The following NHSL1 variants were observed in gnomAD, a reference collection of about 807,000 sequenced individuals.
NHSL1 encodes NHS like 1.
Under a neutral mutation model 95.0 loss-of-function variants are expected in NHSL1, and 48 were observed. The ratio of observed to expected loss-of-function variants is 0.51; its 90% confidence interval spans 0.40 to 0.64. NHSL1 has a LOEUF of 0.64. NHSL1 is among the 30% of genes least tolerant of loss of function. The probability of loss-of-function intolerance (pLI) is 0.00; values close to 1 mark genes in which losing one functional copy is unlikely to be tolerated. For synonymous variants in NHSL1, 783 were observed against 833.9 expected (o/e 0.94, Z 1.05); for missense variants, 1,971 against 2,077.7 (o/e 0.95, Z 1.00).
chr6:138,629,874 G>C (rs1281702755), intron 1 of NHSL1, among the ~76,000 whole-genome samples: 1 of 152,178 alleles, frequency 6.6e-6, no homozygotes, highest in Non-Finnish European at 1.5e-5. Flanking sequence ...TCATAAAGTT[G>C]TATAGTCTAC....
At chr6:138,586,977 G>GT (rs1045665588) in intron 1 of NHSL1, among the ~76,000 whole-genome samples, 5 of 151,508 alleles carry the variant, frequency 3.3e-5, no homozygotes, top group African/African-American at 7.3e-5. Flanking sequence ...GGGCGCGTGT[G>GT]TTTTTTTTGG....
chr6:138,474,312 C>G (rs535272256), intron 2 of NHSL1, among the ~76,000 whole-genome samples: 1 of 152,174 alleles, frequency 6.6e-6, no homozygotes, highest in Non-Finnish European at 1.5e-5. Context: ...AAAGTTTTCT[C>G]TTTGCATAGC....
chr6:138,664,033 C>A (rs1024317051), intron 1 of NHSL1, among the ~76,000 whole-genome samples: 2 of 152,184 alleles, frequency 1.3e-5, no homozygotes, highest in South Asian at 4.1e-4. Context: ...CATCACTGGG[C>A]AAAGTCAAGT....
At chr6:138,538,421 T>C (rs1319996128) in intron 1 of NHSL1, among the ~76,000 whole-genome samples, 2 of 152,172 alleles carry the variant, frequency 1.3e-5, no homozygotes, top group Non-Finnish European at 2.9e-5. Flanking sequence ...CAGTGTCTGG[T>C]ATAACCCAGT....
chr6:138,501,440 A>C (rs921133608), upstream of NHSL1, among the ~76,000 whole-genome samples: 1 of 152,172 alleles, frequency 6.6e-6, no homozygotes, highest in Non-Finnish European at 1.5e-5. Context: ...AGGGGGTTTG[A>C]GGGTGGCCAG....
intron 1 of NHSL1, among the ~76,000 whole-genome samples, chr6:138,612,964 T>G (rs904480615): frequency 6.6e-6 from 1 of 152,214 alleles, no homozygotes; most frequent in Non-Finnish European, 1.5e-5. Context: ...GCCTTCATCA[T>G]GAGCCATCGT....
rs182768220 is a variant in NHSL1 at position 138,527,159 on chromosome 6, T to C, written c.16+18464A>G. On this transcript the variant is annotated intron_variant, in intron 1 of 4. Transcript: ENST00000342260. ...TCTCCTCCTCTTTATCCTATTGACA[T>C]ATGAGGTCAAGACCAGCGCTGGGAG... Among the ~76,000 whole-genome samples the C allele has an allele frequency of 2.1e-4, 32 of 152,104 alleles. 1 individual carries two copies. The East Asian group carries it at 5.2e-3, about 25-fold the overall frequency.
Position 138,455,521 on chromosome 6 carries a change from AG to A in NHSL1, c.340-8329del, listed in dbSNP as rs756994771. On this transcript the variant is annotated intron_variant, in intron 3 of 7. Transcript: ENST00000343505. ...GCCCCGCCTTCACATGCTCCCTGCA[AG>A]GAGCCCCGCCTTCACATGCTCCCTG... Among the ~76,000 whole-genome samples, 790 of 79,744 alleles carry A rather than the reference AG, an allele frequency of 9.9e-3. 9 individuals carry two copies. Among genetic ancestry groups the A allele is most frequent in the Non-Finnish European group, 0.012 (483 of 39,076 alleles). 52.3% of individuals were successfully genotyped at this position (79,744 alleles called of 152,430 possible).
At position 138,422,188 on chromosome 6, in the gene NHSL1, G is replaced by A. The variant is rs778314701; in HGVS notation, c.*1893C>T. ...AAATTATGTATTATTAAAGGTTTCT[G>A]ATATCCATATACATTCTAGTCTTTT... On this transcript the variant is annotated 3_prime_UTR_variant, in exon 8 of 8. Transcript: ENST00000343505. The A allele has an allele frequency of 4.6e-5, 7 of 152,126 alleles. No homozygotes were observed. Among genetic ancestry groups the A allele is most frequent in the Non-Finnish European group, 1.0e-4 (7 of 68,006 alleles). 9.4% of individuals were successfully genotyped at this position (152,126 alleles called of 1,614,324 possible). A position where few individuals can be genotyped will look rare whatever the true frequency, so the allele number is the denominator to read the frequency against.
At chr6:138,550,704 A>G (rs994384000), upstream of NHSL1, among the ~76,000 whole-genome samples, 6 of 152,234 alleles carry the variant, frequency 3.9e-5, no homozygotes, top group Admixed American at 2.0e-4. Context: ...TGATTTCCAT[A>G]AAATAGTGGG....
intron 1 of NHSL1, among the ~76,000 whole-genome samples, chr6:138,518,115 C>T (rs1459810945): frequency 6.6e-6 from 1 of 152,170 alleles, no homozygotes; most frequent in African/African-American, 2.4e-5. Flanking sequence ...AGAACAATTA[C>T]TAATATAGGT....
At chr6:138,593,060 T>A (rs1383927068) in intron 1 of NHSL1, among the ~76,000 whole-genome samples, 1 of 152,194 alleles carries the variant, frequency 6.6e-6, no homozygotes, top group Non-Finnish European at 1.5e-5. Context: ...ATGAATCCCA[T>A]CTGAAAGCCA....
rs371545501 is a variant in NHSL1, at chr6:138,651,083, T to C, written c.96+41393A>G. The stretch of plus-strand genomic sequence containing the variant: ...GATAACATGCCATAAAACTCATCTG[T>C]TAAGCTTTAATAGCTACACATGCCA... On this transcript the variant is annotated intron_variant, in intron 1 of 3. Coordinates refer to the NHSL1 transcript ENST00000491526. The C allele has an allele frequency of 1.6e-3, 584 of 370,124 alleles. 5 individuals are homozygous for C. Among genetic ancestry groups the C allele is most frequent in the East Asian group, 0.012 (166 of 13,666 alleles). 22.9% of individuals were successfully genotyped at this position (370,124 alleles called of 1,614,324 possible). A position where few individuals can be genotyped will look rare whatever the true frequency, so the allele number is the denominator to read the frequency against.
chr6:138,468,363 G>A (rs565210391), intron 3 of NHSL1, among the ~76,000 whole-genome samples: 3 of 152,132 alleles, frequency 2.0e-5, no homozygotes, highest in Non-Finnish European at 2.9e-5. Flanking sequence ...GCTATATACC[G>A]GGGGTCCCCA....
intron 1 of NHSL1, among the ~76,000 whole-genome samples, chr6:138,532,719 G>A (rs184584017): frequency 6.6e-5 from 10 of 152,304 alleles, no homozygotes; most frequent in Admixed American, 5.2e-4. Context: ...GTCAATAAAT[G>A]TGAGACTTGG....
intron 1 of NHSL1, among the ~76,000 whole-genome samples, chr6:138,527,405 T>C (rs1010387775): frequency 7.2e-5 from 11 of 152,142 alleles, no homozygotes; most frequent in African/African-American, 2.4e-4. Context: ...AAAAAGTTTC[T>C]CTTCTTTTTT....
At chr6:138,558,270 C>A (rs1270590986) in intron 1 of NHSL1, among the ~76,000 whole-genome samples, 1 of 145,802 alleles carries the variant, frequency 6.9e-6, no homozygotes, top group Non-Finnish European at 1.5e-5. Flanking sequence ...CTACAGGCAC[C>A]CACCACCACG....
intron 1 of NHSL1, among the ~76,000 whole-genome samples, chr6:138,665,032 G>A (rs1785277112): frequency 6.6e-6 from 1 of 152,232 alleles, no homozygotes; most frequent in African/African-American, 2.4e-5. Context: ...AGCCTAGCAA[G>A]TAGACACATC....
intron 2 of NHSL1, among the ~76,000 whole-genome samples, chr6:138,479,406 T>C (rs948357858): frequency 6.6e-6 from 1 of 152,108 alleles, no homozygotes; most frequent in Non-Finnish European, 1.5e-5. Context: ...TTAAGTAAAA[T>C]AAGGGTGACT....
Sources: gnomAD v4.1 joint callset for allele counts (sites outside exome capture counted in the v4.1 genomes callset) on GRCh38, gnomAD v4.1.1 for gene constraint, MANE v1.5 for transcripts, NCBI Gene and HGNC (gene_info 2026-07-23, HGNC 2026-07-21) for gene names.